Variants in LRFN5 observed in about 807,000 individuals in gnomAD.
LRFN5 encodes leucine rich repeat and fibronectin type III domain containing 5, also known as leucine-rich repeat and fibronectin type-III domain-containing protein 5.
LRFN5 carries 24 observed loss-of-function variants against 45.6 expected under a neutral mutation model. The ratio of observed to expected loss-of-function variants is 0.53; its 90% CI spans 0.38 to 0.74. The LOEUF (loss-of-function observed/expected upper bound fraction) is 0.74. Among genes scored for constraint, LRFN5 ranks in the 30% least tolerant of loss-of-function variants. The pLI, the probability that LRFN5 is intolerant of heterozygous loss-of-function variation, is 0.00. For missense variants in LRFN5, 776 were observed against 861.5 expected, an observed-to-expected ratio of 0.90 and a Z score of 1.24; for synonymous variants, 340 against 313.8, an observed-to-expected ratio of 1.08 and a Z score of -0.88.
chr14:41,739,242 A>AGGCATGGT, intron 1 of LRFN5, among the ~76,000 whole-genome samples: 1 of 152,182 alleles, frequency 6.6e-6, no homozygotes, highest in Admixed American at 6.5e-5. Flanking sequence ...AAAATAAGCC[A>AGGCATGGT]GGCATGGTGG....
intron 1 of LRFN5, among the ~76,000 whole-genome samples, chr14:41,627,564 G>T (rs376698080): frequency 6.6e-6 from 1 of 152,042 alleles, no homozygotes; most frequent in African/African-American, 2.4e-5. Context: ...TCTCATTGAC[G>T]TCATGAAATC....
At chr14:41,867,418 T>G (rs1359858579) in intron 2 of LRFN5, among the ~76,000 whole-genome samples, 1 of 152,054 alleles carries the variant, frequency 6.6e-6, no homozygotes, top group Non-Finnish European at 1.5e-5. Context: ...AATGCCCTGG[T>G]TTTAATCCAA....
intron 1 of LRFN5, among the ~76,000 whole-genome samples, chr14:41,704,222 A>T (rs1445728625): frequency 6.6e-6 from 1 of 152,106 alleles, no homozygotes; most frequent in Middle Eastern, 3.2e-3. Context: ...CCATCTTTAG[A>T]CATCAGCAGC....
chr14:41,827,469 T>C (rs904909030), intron 2 of LRFN5, among the ~76,000 whole-genome samples: 1 of 152,048 alleles, frequency 6.6e-6, no homozygotes, highest in South Asian at 2.1e-4. Flanking sequence ...GGTAAGTATA[T>C]ATTTTTATTT....
chr14:41,751,706 G>A lies in LRFN5; in HGVS notation c.-196-15148G>A, dbSNP rs77006495. Among the ~76,000 whole-genome samples, 1,457 of 152,178 alleles carry A rather than the reference G, an allele frequency of 9.6e-3. 8 individuals are homozygous for A. Among genetic ancestry groups the A allele is most frequent in the East Asian group, 0.014 (72 of 5,160 alleles). Reference sequence around the variant, plus strand: ...CTAAAGGCAGTCTCACAGGACATTAGCATCAGACAGAATCCTTAGGACCAA... The same window carrying A: ...CTAAAGGCAGTCTCACAGGACATTAACATCAGACAGAATCCTTAGGACCAA... On this transcript the variant is annotated intron_variant, in intron 1 of 5. Coordinates refer to ENST00000298119, the MANE Select transcript of LRFN5 (RefSeq NM_152447.5).
intron 1 of LRFN5, among the ~76,000 whole-genome samples, chr14:41,664,603 A>C (rs1184011305): frequency 1.3e-5 from 2 of 151,980 alleles, no homozygotes; most frequent in African/African-American, 4.8e-5. Flanking sequence ...TCAAGGTTAC[A>C]GTGAGCTATG....
intron 1 of LRFN5, chr14:41,701,384 G>T (rs1882835443): frequency 6.6e-6 from 1 of 152,122 alleles, no homozygotes; most frequent in Non-Finnish European, 1.5e-5. Context: ...TATTTAAACT[G>T]TCAATTTCTT....
intron 5 of LRFN5, among the ~76,000 whole-genome samples, chr14:41,900,617 C>T (rs1249521254): frequency 6.6e-6 from 1 of 152,066 alleles, no homozygotes; most frequent in African/African-American, 2.4e-5. Context: ...TAAAACAAAT[C>T]CAAAGACAAA....
At chr14:41,673,636 T>A (rs1409456243) in intron 1 of LRFN5, among the ~76,000 whole-genome samples, 9 of 131,830 alleles carry the variant, frequency 6.8e-5, no homozygotes, top group African/African-American at 2.4e-4. Context: ...CCCCCCCACC[T>A]CCCTCCCGGA....
intron 1 of LRFN5, among the ~76,000 whole-genome samples, chr14:41,750,330 T>C (rs1412225521): frequency 6.7e-6 from 1 of 149,598 alleles, no homozygotes; most frequent in Admixed American, 6.7e-5. Context: ...ATTTCATGTA[T>C]ATATATTTCT....
intron 1 of LRFN5, among the ~76,000 whole-genome samples, chr14:41,670,365 C>T (rs1245719467): frequency 7.1e-6 from 1 of 140,284 alleles, no homozygotes; most frequent in African/African-American, 2.6e-5. Flanking sequence ...TGATACATGA[C>T]AATTAGTTAT....
chr14:41,779,042 T>C (rs1306357009), intron 2 of LRFN5, among the ~76,000 whole-genome samples: 1 of 151,818 alleles, frequency 6.6e-6, no homozygotes, highest in African/African-American at 2.4e-5. Flanking sequence ...ATACTGTTAA[T>C]AGGAATGCTG....
intron 2 of LRFN5, among the ~76,000 whole-genome samples, chr14:41,833,248 A>G (rs1283594609): frequency 6.6e-6 from 1 of 152,168 alleles, no homozygotes; most frequent in African/African-American, 2.4e-5. Flanking sequence ...AAAGAAAATG[A>G]TTAGCGATCC....
intron 2 of LRFN5, among the ~76,000 whole-genome samples, chr14:41,869,786 G>A (rs1889957965): frequency 6.6e-6 from 1 of 151,980 alleles, no homozygotes. Flanking sequence ...TCACTATCAT[G>A]AGAACAGCAA....
At chr14:41,899,011 C>G (rs773903728) in intron 5 of LRFN5, 51 bp downstream of exon 5, 1 of 1,394,506 alleles carries the variant, frequency 7.2e-7, no homozygotes, top group Non-Finnish European at 9.8e-7. Flanking sequence ...TGGGTATACA[C>G]TTTTTATAAA....
intron 2 of LRFN5, among the ~76,000 whole-genome samples, chr14:41,849,060 T>G (rs570817636): frequency 6.6e-6 from 1 of 152,180 alleles, no homozygotes; most frequent in Non-Finnish European, 1.5e-5. Context: ...GAGAATCAAC[T>G]TGCGCTGATG....
In LRFN5 at chr14:41,668,268, A is replaced by C. The variant is rs56292775; in HGVS notation, c.-197+59706A>C. Among the ~76,000 whole-genome samples the C allele has an allele frequency of 5.0e-3, 766 of 152,288 alleles. 4 individuals carry two copies. Among genetic ancestry groups the C allele is most frequent in the African/African-American group, 0.018 (744 of 41,574 alleles). On this transcript the variant is annotated intron_variant, in intron 1 of 5. Transcript: ENST00000298119. ...CACATTTATTATGTGTCTGAGTATC[A>C]CAAAATAAGCCTCTTTTATATTTAT...
intron 2 of LRFN5, among the ~76,000 whole-genome samples, chr14:41,781,634 G>GGAAA (rs1476908515): frequency 7.8e-5 from 9 of 115,012 alleles, no homozygotes; most frequent in Non-Finnish European, 1.8e-5. Context: ...AAGAAAGAAA[G>GGAAA]GAAAGAAAGA....
intron 2 of LRFN5, among the ~76,000 whole-genome samples, chr14:41,781,626 G>GAA (rs1566437396): frequency 4.6e-5 from 6 of 129,338 alleles, no homozygotes; most frequent in African/African-American, 1.8e-4. Flanking sequence ...GAGAAAGAAA[G>GAA]AAAGAAAGGA....
Sources: allele counts gnomAD v4.1 joint callset (sites outside exome capture counted in the v4.1 genomes callset), GRCh38; gene constraint gnomAD v4.1.1; transcripts MANE v1.5; gene names NCBI Gene and HGNC (gene_info 2026-07-23, HGNC 2026-07-21).